The following ACSS3 variants were observed in gnomAD, a reference collection of about 807,000 sequenced individuals.
ACSS3 encodes acyl-CoA synthetase short-chain family member 3, mitochondrial.
ACSS3 carries 64 observed loss-of-function variants against 84.2 expected under a neutral mutation model. That is an observed-to-expected ratio of 0.76 (90% CI 0.62 to 0.94). The LOEUF is 0.94. Ranked by LOEUF, ACSS3 falls within the 40% of genes least tolerant of loss-of-function variation. ACSS3 has a pLI of 0.00. For synonymous variants in ACSS3, 317 were observed against 310.1 expected, an observed-to-expected ratio of 1.02 and a Z score of -0.23; for missense variants, 815 against 867.6, an observed-to-expected ratio of 0.94 and a Z score of 0.76.
At chr12:81,118,735 G>A (rs879645774) in intron 2 of ACSS3, among the ~76,000 whole-genome samples, 6 of 152,134 alleles carry the variant, frequency 3.9e-5, no homozygotes, top group Admixed American at 3.9e-4. Flanking sequence ...AAGAACAAAG[G>A]CTTCAGTGAG....
intron 1 of ACSS3, among the ~76,000 whole-genome samples, chr12:81,092,738 G>A (rs1315572993): frequency 6.6e-6 from 1 of 152,128 alleles, no homozygotes; most frequent in African/African-American, 2.4e-5. Flanking sequence ...AATTGAGCAG[G>A]CTGCACTGTA....
At chr12:81,150,832 A>T (rs867344315) in intron 5 of ACSS3, among the ~76,000 whole-genome samples, 24 of 152,224 alleles carry the variant, frequency 1.6e-4, no homozygotes, top group Middle Eastern at 3.2e-3. Flanking sequence ...AAAAAGCATA[A>T]CTAATAGCAC....
intron 5 of ACSS3, among the ~76,000 whole-genome samples, chr12:81,149,710 C>T (rs1404008839): frequency 6.6e-6 from 1 of 152,084 alleles, no homozygotes; most frequent in East Asian, 1.9e-4. Context: ...TACGGCTCTT[C>T]TCACTCCTTC....
chr12:81,154,200 T>C (rs1886755093), intron 7 of ACSS3, among the ~76,000 whole-genome samples: 1 of 152,234 alleles, frequency 6.6e-6, no homozygotes, highest in African/African-American at 2.4e-5. Flanking sequence ...AATTGTGGCA[T>C]TGCTTACATA....
At chr12:81,239,248 T>A (rs1202068614) in intron 13 of ACSS3, among the ~76,000 whole-genome samples, 1 of 151,918 alleles carries the variant, frequency 6.6e-6, no homozygotes, top group Admixed American at 6.6e-5. Context: ...TTTTAAAATT[T>A]TAAGGTGTGT....
At position 81,230,179 on chromosome 12, in the gene ACSS3, C is replaced by A. The variant is rs141622556; in HGVS notation, c.1515-878C>A. ...AATGTGGGAGTGTAGGTTTTGAAAG[C>A]CCCTATGTTTTACAGTATTGAAAAT... On this transcript the variant is annotated intron_variant, in intron 11 of 15. Coordinates refer to ENST00000548058, the MANE Select transcript of ACSS3 (RefSeq NM_024560.4). 2.0e-3 allele frequency among the ~76,000 whole-genome samples: 299 copies of A among 151,888 alleles called. 1 individual carries two copies. The highest frequency in any genetic ancestry group is 6.7e-3 in the African/African-American group (279 of 41,474).
At chr12:81,132,184 A>G (rs1885547817) in intron 2 of ACSS3, among the ~76,000 whole-genome samples, 1 of 152,140 alleles carries the variant, frequency 6.6e-6, no homozygotes, top group South Asian at 2.1e-4. Flanking sequence ...ATTGATTGGA[A>G]TAGTTTCAGA....
At chr12:81,086,644 T>A (rs1203608614) in intron 1 of ACSS3, among the ~76,000 whole-genome samples, 1 of 152,194 alleles carries the variant, frequency 6.6e-6, no homozygotes, top group East Asian at 1.9e-4. Context: ...TGGCTTACTT[T>A]TCTTTTGTCA....
Position 81,254,959 on chromosome 12 carries a change from T to G in ACSS3, c.*37T>G, listed in dbSNP as rs578080507. On this transcript the variant is annotated 3_prime_UTR_variant, in exon 16 of 16. Coordinates refer to ENST00000548058, the MANE Select transcript of ACSS3 (RefSeq NM_024560.4). ...TATTCCTATTTTGAGTTGATTTAAT[T>G]TCTTAATTGAAATTAAATTATTTGA... The G allele has an allele frequency of 1.3e-5, 19 of 1,463,658 alleles. 1 individual carries two copies. The South Asian group carries it at 2.3e-4, about 18-fold the overall frequency. The allele number at this position is 1,463,658 out of a possible 1,614,324, so 90.7% of individuals were successfully genotyped here.
chr12:81,141,777 A>G (rs1436285923), intron 4 of ACSS3, among the ~76,000 whole-genome samples: 1 of 152,182 alleles, frequency 6.6e-6, no homozygotes, highest in Non-Finnish European at 1.5e-5. Flanking sequence ...AGTTGCTTTT[A>G]TCCATTGTAT....
chr12:81,209,793 G>GAAAACTCA (rs1565721674), intron 9 of ACSS3, among the ~76,000 whole-genome samples: 135 of 152,264 alleles, frequency 8.9e-4, no homozygotes, highest in African/African-American at 3.1e-3. Context: ...CAGAAAAGGG[G>GAAAACTCA]TGAGCACTTC....
At chr12:81,170,011 G>A (rs572018609) in intron 7 of ACSS3, among the ~76,000 whole-genome samples, 1 of 152,078 alleles carries the variant, frequency 6.6e-6, no homozygotes, top group Non-Finnish European at 1.5e-5. Flanking sequence ...CAAAAAAAGA[G>A]GCAAAACTGC....
intron 2 of ACSS3, among the ~76,000 whole-genome samples, chr12:81,131,500 T>C (rs892488849): frequency 1.3e-5 from 2 of 152,234 alleles, no homozygotes; most frequent in East Asian, 3.8e-4. Context: ...TCTGCTGAAG[T>C]TGCTTATCAG....
At chr12:81,125,619 A>T (rs1885035293) in intron 2 of ACSS3, 2 of 152,034 alleles carry the variant, frequency 1.3e-5, no homozygotes, top group African/African-American at 4.8e-5. Flanking sequence ...CATTTTACAC[A>T]TCCCGCCTGG....
intron 13 of ACSS3, among the ~76,000 whole-genome samples, chr12:81,233,900 T>C (rs773208462): frequency 1.3e-4 from 20 of 151,626 alleles, no homozygotes; most frequent in Non-Finnish European, 2.7e-4. Context: ...GAAGAGGTTT[T>C]TTAAAATGTT....
intron 2 of ACSS3, among the ~76,000 whole-genome samples, chr12:81,119,052 TAA>T (rs1565985894): frequency 6.6e-6 from 1 of 151,952 alleles, no homozygotes; most frequent in East Asian, 1.9e-4. Context: ...ATCTGAGAAA[TAA>T]AGAGAAAGAG....
intron 1 of ACSS3, among the ~76,000 whole-genome samples, chr12:81,088,402 T>C (rs1881457290): frequency 6.6e-6 from 1 of 152,080 alleles, no homozygotes; most frequent in Non-Finnish European, 1.5e-5. Flanking sequence ...GATAATTTAG[T>C]CTGCTAAAGT....
chr12:81,241,537 A>G (rs7489279), intron 13 of ACSS3, among the ~76,000 whole-genome samples: 105,109 of 151,996 alleles, frequency 0.69, 36,816 homozygotes, highest in Non-Finnish European at 0.76. Flanking sequence ...TCTAACTGGT[A>G]TGAGATGATA....
At chr12:81,228,687 A>C (rs1250574954) in intron 11 of ACSS3, among the ~76,000 whole-genome samples, 2 of 151,808 alleles carry the variant, frequency 1.3e-5, no homozygotes, top group African/African-American at 4.8e-5. Context: ...TTCTTTCTGT[A>C]AAATGCAGTC....
Sources: gnomAD v4.1 joint callset for allele counts (sites outside exome capture counted in the v4.1 genomes callset) on GRCh38, gnomAD v4.1.1 for gene constraint, MANE v1.5 for transcripts, NCBI Gene and HGNC (gene_info 2026-07-23, HGNC 2026-07-21) for gene names.